Variants in GSE1 observed in about 807,000 individuals in gnomAD.
GSE1 encodes the protein genetic suppressor element 1.
In GSE1, 32 loss-of-function variants were observed where a neutral mutation model predicts 112.6. The ratio of observed to expected loss-of-function variants is 0.28; its 90% CI spans 0.21 to 0.38. The LOEUF is 0.38. Among genes scored for constraint, GSE1 ranks in the 10% least tolerant of loss-of-function variants. The pLI is 1.00. For synonymous variants in GSE1, 1,115 were observed against 735.6 expected, an observed-to-expected ratio of 1.52 and a Z score of -8.35; for missense variants, 2,348 against 1,699.2, an observed-to-expected ratio of 1.38 and a Z score of -6.71.
intron 2 of GSE1, among the ~76,000 whole-genome samples, chr16:85,361,414 G>A (rs1351903896): frequency 6.6e-6 from 1 of 150,890 alleles, no homozygotes; most frequent in Non-Finnish European, 1.5e-5. Context: ...CACACACACA[G>A]GACACACATT....
intron 2 of GSE1, among the ~76,000 whole-genome samples, chr16:85,454,058 T>G (rs1262603406): frequency 6.6e-6 from 1 of 152,060 alleles, no homozygotes; most frequent in Non-Finnish European, 1.5e-5. Context: ...CTGGGCAGAG[T>G]GGCAGGCTCT....
In GSE1 at chr16:85,332,999, C is replaced by T. The variant is rs2046407769; in HGVS notation, c.2284-24464C>T. 2.0e-5 allele frequency among the ~76,000 whole-genome samples: 3 copies of T among 152,108 alleles called. No individual in the cohort carries two copies. The South Asian group carries it at 6.2e-4, about 32-fold the overall frequency. Reference sequence around the variant, plus strand: ...TCCCAGAGTGTGTCCTTTCAGAGGCCACCAGAGACCATCACCACCAGGGAC... The same window carrying T: ...TCCCAGAGTGTGTCCTTTCAGAGGCTACCAGAGACCATCACCACCAGGGAC... On this transcript the variant is annotated intron_variant, in intron 1 of 2. Coordinates refer to the GSE1 transcript ENST00000637419.
intron 8 of GSE1, chr16:85,659,329 T>C (rs1028838972): frequency 4.6e-5 from 7 of 152,210 alleles, no homozygotes; most frequent in African/African-American, 1.7e-4. Context: ...TGCACAGTAT[T>C]GGTCCAGACA....
intron 8 of GSE1, among the ~76,000 whole-genome samples, chr16:85,658,930 C>T (rs1011267641): frequency 6.6e-6 from 1 of 152,246 alleles, no homozygotes; most frequent in African/African-American, 2.4e-5. Context: ...GGCCTGGCCT[C>T]CCCTGGCTGC....
In GSE1 at chr16:85,362,736, G is replaced by C. The variant is rs370958611; in HGVS notation, c.2464+5093G>C. Among the ~76,000 whole-genome samples, 22 of 152,202 alleles carry C rather than the reference G, an allele frequency of 1.4e-4. No individual in the cohort carries two copies. The East Asian group carries it at 3.3e-3, about 23-fold the overall frequency. ...TTTCTGCATGGCCATTGGGGCTGCCGTGTGGCACATCAGTGGTGGCCCTGG... is the reference window on the plus strand; with the variant it reads ...TTTCTGCATGGCCATTGGGGCTGCCCTGTGGCACATCAGTGGTGGCCCTGG... On this transcript the variant is annotated intron_variant, in intron 2 of 2. Transcript: ENST00000637419.
intron 1 of GSE1, among the ~76,000 whole-genome samples, chr16:85,297,495 T>C (rs1383475669): frequency 6.6e-6 from 1 of 151,100 alleles, no homozygotes; most frequent in African/African-American, 2.5e-5. Flanking sequence ...AGCTATTGTG[T>C]TTTTTTTGTT....
chr16:85,356,251 G>T (rs147238298), intron 1 of GSE1, among the ~76,000 whole-genome samples: 1 of 152,212 alleles, frequency 6.6e-6, no homozygotes, highest in African/African-American at 2.4e-5. Context: ...TGCTCGCCTC[G>T]GGACCAGTGA....
intron 2 of GSE1, among the ~76,000 whole-genome samples, chr16:85,380,162 C>G (rs2047514027): frequency 6.6e-6 from 1 of 152,210 alleles, no homozygotes; most frequent in Admixed American, 6.5e-5. Flanking sequence ...CAGGGATCAT[C>G]AAGTCCAGCT....
intron 2 of GSE1, among the ~76,000 whole-genome samples, chr16:85,488,354 CAG>C (rs1214127810): frequency 1.3e-5 from 2 of 152,302 alleles, no homozygotes; most frequent in South Asian, 2.1e-4. Context: ...AGAGTACAAA[CAG>C]AGGATGGGAC....
chr16:85,560,774 G>C (rs1012507129), intron 1 of GSE1, among the ~76,000 whole-genome samples: 4 of 151,970 alleles, frequency 2.6e-5, no homozygotes, highest in African/African-American at 9.7e-5. Context: ...GCGCAGACTG[G>C]GTGTCTCCTT....
At chr16:85,354,600 C>T (rs534622735) in intron 1 of GSE1, among the ~76,000 whole-genome samples, 1 of 152,352 alleles carries the variant, frequency 6.6e-6, no homozygotes, top group East Asian at 1.9e-4. Context: ...CCCCCCAGCT[C>T]CAGGAGGGAC....
chr16:85,430,017 A>T (rs1269615204), intron 2 of GSE1, among the ~76,000 whole-genome samples: 1 of 152,146 alleles, frequency 6.6e-6, no homozygotes, highest in Non-Finnish European at 1.5e-5. Flanking sequence ...CAGGTCAGGG[A>T]ATTTCATTCA....
At chr16:85,260,109 C>T (rs1165286050) in intron 1 of GSE1, among the ~76,000 whole-genome samples, 1 of 152,108 alleles carries the variant, frequency 6.6e-6, no homozygotes, top group Admixed American at 6.5e-5. Context: ...CCCTGCGGGG[C>T]ATGGGCAGCC....
exon 1 of GSE1, chr16:85,171,399 C>A: frequency 1.0e-6 from 1 of 985,694 alleles, no homozygotes; most frequent in Non-Finnish European, 1.2e-6. Context: ...TCTTCCCCTT[C>A]CTCACCGTGT....
chr16:85,522,252 T>G (rs1207284592), intron 2 of GSE1, among the ~76,000 whole-genome samples: 1 of 152,112 alleles, frequency 6.6e-6, no homozygotes, highest in East Asian at 1.9e-4. Flanking sequence ...CCCACCTCTT[T>G]CCCTGCACTG....
intron 1 of GSE1, among the ~76,000 whole-genome samples, chr16:85,177,601 C>T (rs559973914): frequency 6.6e-6 from 1 of 152,292 alleles, no homozygotes; most frequent in African/African-American, 2.4e-5. Flanking sequence ...TACGTGGTGT[C>T]TCATTCTGCC....
At chr16:85,665,206 G>C (rs1430018095) in intron 12 of GSE1, 78 bp downstream of exon 12, 7 of 784,348 alleles carry the variant, frequency 8.9e-6, no homozygotes, top group Non-Finnish European at 1.3e-5. Flanking sequence ...GACCACTCGA[G>C]GTCTTCATCA....
chr16:85,327,953 C>G (rs1025304255), intron 1 of GSE1, among the ~76,000 whole-genome samples: 1 of 152,188 alleles, frequency 6.6e-6, no homozygotes, highest in Non-Finnish European at 1.5e-5. Context: ...CTGGTGCCCC[C>G]CACCCCCAGA....
At chr16:85,378,857 C>T (rs1409535575) in intron 2 of GSE1, among the ~76,000 whole-genome samples, 1 of 152,200 alleles carries the variant, frequency 6.6e-6, no homozygotes, top group Non-Finnish European at 1.5e-5. Flanking sequence ...CTGTTGCTCC[C>T]TCTCCTCCAC....
Sources: allele counts gnomAD v4.1 joint callset (sites outside exome capture counted in the v4.1 genomes callset), GRCh38; gene constraint gnomAD v4.1.1; transcripts MANE v1.5; gene names NCBI Gene and HGNC (gene_info 2026-07-23, HGNC 2026-07-21).